Variants in LARP1B observed in about 807,000 individuals in gnomAD.
LARP1B encodes la-related protein 1B.
In LARP1B, 76 loss-of-function variants were observed where a neutral mutation model predicts 114.2. The ratio of observed to expected loss-of-function variants is 0.67; its 90% confidence interval spans 0.55 to 0.81. LARP1B has a LOEUF of 0.81. LARP1B is among the 30% of genes least tolerant of loss of function. The pLI is 0.00. For synonymous variants in LARP1B, 345 were observed against 348.0 expected (o/e 0.99, Z 0.10); for missense variants, 1,014 against 1,075.8 (o/e 0.94, Z 0.80).
intron 10 of LARP1B, 67 bp downstream of exon 10, chr4:128,114,809 T>C: frequency 4.2e-6 from 6 of 1,428,008 alleles, no homozygotes; most frequent in Non-Finnish European, 5.8e-6. Flanking sequence ...GTGCACTTTA[T>C]GTTTGTTAGG....
chr4:128,082,839 G>A (rs1362455091), intron 5 of LARP1B, among the ~76,000 whole-genome samples: 1 of 136,516 alleles, frequency 7.3e-6, no homozygotes, highest in Non-Finnish European at 1.6e-5. Flanking sequence ...TTTTTTTATT[G>A]ATCATTCTTG....
In LARP1B at chr4:128,091,106, G is replaced by A. The variant is rs748037803; in HGVS notation, c.464G>A (p.Arg155Gln). 37 of 1,613,644 alleles carry A rather than the reference G, an allele frequency of 2.3e-5. No individual in the cohort carries two copies. The highest frequency in any genetic ancestry group is 6.7e-5 in the East Asian group (3 of 44,880). ...RGSFRGRGRGRGRGRGRGRGN... is the reference protein window; with the variant it reads ...RGSFRGRGRGQGRGRGRGRGN... Reference sequence around the variant, plus strand: ...TCCTTTAGAGGTCGAGGAAGAGGCCGAGGACGGGGAAGAGGACGAGGCAGA... The same window carrying A: ...TCCTTTAGAGGTCGAGGAAGAGGCCAAGGACGGGGAAGAGGACGAGGCAGA... The change falls in exon 6 of 20, where the codon CGA (arginine) becomes CAA (glutamine). Residue 155 changes from arginine to glutamine, a missense_variant. By Grantham distance (43) the Arg-to-Gln change is conservative (BLOSUM62 1). Coordinates refer to ENST00000326639, the MANE Select transcript of LARP1B (RefSeq NM_018078.4).
chr4:128,088,647 G>A (rs1774639736), intron 5 of LARP1B, among the ~76,000 whole-genome samples: 2 of 152,166 alleles, frequency 1.3e-5, no homozygotes, highest in Non-Finnish European at 2.9e-5. Flanking sequence ...TACACTCTGT[G>A]AGTGGGTTAT....
intron 1 of LARP1B, among the ~76,000 whole-genome samples, chr4:128,067,706 C>A (rs1014909969): frequency 8.2e-6 from 1 of 121,980 alleles, no homozygotes; most frequent in Non-Finnish European, 1.7e-5. Flanking sequence ...ATTTTGGATA[C>A]CTCCTTTTTT....
At chr4:128,141,422 C>T (rs1728050303) in intron 11 of LARP1B, among the ~76,000 whole-genome samples, 1 of 152,190 alleles carries the variant, frequency 6.6e-6, no homozygotes, top group South Asian at 2.1e-4. Context: ...ATTCTATCCT[C>T]TGCCCAAGTT....
At chr4:128,098,747 GTATATA>G (rs1554010737) in intron 8 of LARP1B, among the ~76,000 whole-genome samples, 2 of 15,594 alleles carry the variant, frequency 1.3e-4, no homozygotes, top group South Asian at 9.8e-3. Context: ...ATATGTATGT[GTATATA>G]TATATATATA....
chr4:128,211,030 A>G lies in LARP1B; in HGVS notation c.*977A>G. The G allele has an allele frequency of 1.1e-6, 1 of 905,834 alleles. No homozygotes were observed. The highest frequency in any genetic ancestry group is 1.3e-6 in the Non-Finnish European group (1 of 757,662). The allele number at this position is 905,834 out of a possible 1,614,324, so 56.1% of individuals were successfully genotyped here. ...TAATTTTGTTTTTATAAATGTTTTC[A>G]AGAGTTATAGCAAATTGATTTCTAA... On this transcript the variant is annotated 3_prime_UTR_variant, in exon 20 of 20. Coordinates refer to ENST00000326639, the MANE Select transcript of LARP1B (RefSeq NM_018078.4).
chr4:128,157,480 C>T (rs1482238095), intron 11 of LARP1B, among the ~76,000 whole-genome samples: 1 of 152,098 alleles, frequency 6.6e-6, no homozygotes. Flanking sequence ...TGATGAAAGA[C>T]ACCAAAGGAC....
intron 11 of LARP1B, among the ~76,000 whole-genome samples, chr4:128,135,500 C>T (rs1422486309): frequency 6.6e-6 from 1 of 152,110 alleles, no homozygotes; most frequent in Non-Finnish European, 1.5e-5. Flanking sequence ...TTCACAATAA[C>T]CCAAGAGGTG....
intron 5 of LARP1B, among the ~76,000 whole-genome samples, chr4:128,083,826 G>A (rs1374329816): frequency 4.1e-4 from 61 of 148,666 alleles, no homozygotes; most frequent in African/African-American, 7.0e-4. Context: ...CCTCCCGGAC[G>A]GGGCGGCTGC....
At chr4:128,196,182 C>T (rs929222218) in intron 15 of LARP1B, among the ~76,000 whole-genome samples, 2 of 136,908 alleles carry the variant, frequency 1.5e-5, no homozygotes, top group Non-Finnish European at 3.0e-5. Context: ...GCCCGGGAAG[C>T]GGATGTCACA....
At chr4:128,082,624 G>T (rs1233067239) in intron 5 of LARP1B, among the ~76,000 whole-genome samples, 1 of 151,004 alleles carries the variant, frequency 6.6e-6, no homozygotes, top group Non-Finnish European at 1.5e-5. Context: ...TTCTCTTTAG[G>T]CTCCATTAAT....
intron 11 of LARP1B, among the ~76,000 whole-genome samples, chr4:128,131,475 CAAAT>C (rs1316395664): frequency 1.3e-5 from 2 of 152,066 alleles, no homozygotes; most frequent in Non-Finnish European, 1.5e-5. Context: ...ATCAATAAGA[CAAAT>C]AACCTAATTT....
At chr4:128,071,195 C>T (rs769533537) in intron 1 of LARP1B, among the ~76,000 whole-genome samples, 1 of 148,816 alleles carries the variant, frequency 6.7e-6, no homozygotes, top group Admixed American at 6.7e-5. Flanking sequence ...TACAGGCGCC[C>T]GCCACCACAC....
intron 11 of LARP1B, among the ~76,000 whole-genome samples, chr4:128,161,862 G>A (rs148984024): frequency 1.3e-5 from 2 of 152,140 alleles, no homozygotes; most frequent in South Asian, 2.1e-4. Flanking sequence ...TTCCTTAATG[G>A]TAGGGAACAT....
chr4:128,155,620 C>A, intron 11 of LARP1B: 1 of 1,251,240 alleles, frequency 8.0e-7, no homozygotes, highest in Non-Finnish European at 1.2e-6. Flanking sequence ...CCCCCTACAA[C>A]CCCAGCCAGG....
chr4:128,081,570 GGCTGGGCGTCGAGCTTGAAC>G (rs1280675580), intron 4 of LARP1B, among the ~76,000 whole-genome samples: 1 of 151,990 alleles, frequency 6.6e-6, no homozygotes, highest in Non-Finnish European at 1.5e-5. Flanking sequence ...ATTTTTGGGC[GGCTGGGCGTCGAGCTTGAAC>G]GCTTTGATGG....
chr4:128,062,592 C>CTTTTTTTTT (rs10659836), intron 1 of LARP1B, among the ~76,000 whole-genome samples: 2,363 of 128,034 alleles, frequency 0.018, 136 homozygotes, highest in East Asian at 0.18. Flanking sequence ...TTTTGGTAGA[C>CTTTTTTTTT]TTTTTTTTTT....
chr4:128,139,878 A>ATCTG (rs3066543), intron 11 of LARP1B, among the ~76,000 whole-genome samples: 89,569 of 151,522 alleles, frequency 0.59, 27,557 homozygotes, highest in Middle Eastern at 0.8. Context: ...AAGAACCTCA[A>ATCTG]TCTGTGGGAA....
Sources: allele counts gnomAD v4.1 joint callset (sites outside exome capture counted in the v4.1 genomes callset), GRCh38; gene constraint gnomAD v4.1.1; transcripts MANE v1.5; gene names NCBI Gene and HGNC (gene_info 2026-07-23, HGNC 2026-07-21).